The following SH3RF3 variants were observed in gnomAD, a reference collection of about 807,000 sequenced individuals.
SH3RF3 encodes the protein SH3 domain containing ring finger 3.
SH3RF3 carries 29 observed loss-of-function variants against 66.3 expected under a neutral mutation model. The ratio of observed to expected loss-of-function variants is 0.44; its 90% CI spans 0.33 to 0.60. The LOEUF (loss-of-function observed/expected upper bound fraction) is 0.60. Ranked by LOEUF, SH3RF3 falls within the 20% of genes least tolerant of loss-of-function variation. SH3RF3 has a pLI of 0.04. For missense variants in SH3RF3, 1,194 were observed against 1,190.9 expected (o/e 1.00, Z -0.04); for synonymous variants, 583 against 532.0 (o/e 1.10, Z -1.32).
At chr2:109,172,056 T>C (rs1335005618) in intron 1 of SH3RF3, among the ~76,000 whole-genome samples, 1 of 152,210 alleles carries the variant, frequency 6.6e-6, no homozygotes, top group African/African-American at 2.4e-5. Flanking sequence ...TTTGGTTGCT[T>C]GGTTTGGAGC....
At chr2:109,436,033 A>G (rs550569286) in intron 6 of SH3RF3, among the ~76,000 whole-genome samples, 2 of 152,252 alleles carry the variant, frequency 1.3e-5, no homozygotes, top group East Asian at 3.9e-4. Context: ...GGTCGTGCCC[A>G]GTGATACCAG....
In SH3RF3 at chr2:109,135,760, T is replaced by C. The variant is rs541466390; in HGVS notation, c.573+5647T>C. Among the ~76,000 whole-genome samples, 13 of 152,352 alleles carry C rather than the reference T, an allele frequency of 8.5e-5. 1 individual carries two copies. The highest frequency in any genetic ancestry group is 5.8e-4 in the East Asian group (3 of 5,188). On this transcript the variant is annotated intron_variant, in intron 1 of 9. Coordinates refer to ENST00000309415, the MANE Select transcript of SH3RF3 (RefSeq NM_001099289.3). ...TGGAAACTGGATCGTCAAGCATTAC[T>C]GGGCATCTATGCGGAGTAGTTGCTT...
intron 1 of SH3RF3, among the ~76,000 whole-genome samples, chr2:109,294,088 T>C (rs1681250925): frequency 6.6e-6 from 1 of 152,182 alleles, no homozygotes; most frequent in South Asian, 2.1e-4. Context: ...ACATGTAAGA[T>C]GGAGCTCTGT....
chr2:109,151,433 C>T (rs1279892866), intron 1 of SH3RF3, among the ~76,000 whole-genome samples: 1 of 152,136 alleles, frequency 6.6e-6, no homozygotes, highest in Non-Finnish European at 1.5e-5. Context: ...AAAGCAGCAC[C>T]ATCCAATACA....
At chr2:109,461,358 AG>A (rs1678204606) in intron 8 of SH3RF3, among the ~76,000 whole-genome samples, 2 of 152,236 alleles carry the variant, frequency 1.3e-5, no homozygotes, top group Admixed American at 1.3e-4. Context: ...AAGACAGCAG[AG>A]GCTTGCTCCA....
chr2:109,365,927 T>G (rs1412450516), intron 2 of SH3RF3, among the ~76,000 whole-genome samples: 6 of 152,354 alleles, frequency 3.9e-5, no homozygotes, highest in South Asian at 4.1e-4. Flanking sequence ...TAAAAAAATT[T>G]CAGAGTGGAA....
At chr2:109,481,078 C>T (rs1678822845) in intron 8 of SH3RF3, among the ~76,000 whole-genome samples, 1 of 152,202 alleles carries the variant, frequency 6.6e-6, no homozygotes, top group East Asian at 1.9e-4. Context: ...CATTTCTCAC[C>T]TGCTGCTGCC....
rs141940252 is a variant in SH3RF3 at position 109,249,474 on chromosome 2, T to C, written c.574-98200T>C. ...CTCTCTCTTTCTCTCTTTCTCTTTC[T>C]TTCTTTCTTTCTTTCTTTCTTTCTT... On this transcript the variant is annotated intron_variant, in intron 1 of 9. Transcript: ENST00000309415. Among the ~76,000 whole-genome samples the C allele has an allele frequency of 2.4e-3, 43 of 17,870 alleles. No individual in the cohort carries two copies. The East Asian group carries it at 0.098, about 41-fold the overall frequency. The allele number at this position is 17,870 out of a possible 152,430, so 11.7% of individuals were successfully genotyped here. A position where few individuals can be genotyped will look rare whatever the true frequency, so the allele number is the denominator to read the frequency against.
In SH3RF3 at chr2:109,261,266, A is replaced by C. The variant is rs896805556; in HGVS notation, c.574-86408A>C. On this transcript the variant is annotated intron_variant, in intron 1 of 9. Coordinates refer to ENST00000309415, the MANE Select transcript of SH3RF3 (RefSeq NM_001099289.3). ...CTCTTCCTGTCAAGCAGAACAAAGC[A>C]ATGATGTGGAGGTGATTGTCCCCTC... is the stretch of plus-strand genomic sequence containing the variant. Among the ~76,000 whole-genome samples the C allele has an allele frequency of 3.9e-5, 6 of 152,132 alleles. No homozygotes were observed. In the East Asian group the frequency reaches 1.2e-3, roughly 29 times the overall value.
chr2:109,254,955 A>G (rs911824047), intron 1 of SH3RF3, among the ~76,000 whole-genome samples: 9 of 152,172 alleles, frequency 5.9e-5, no homozygotes, highest in African/African-American at 2.2e-4. Context: ...AAGGATATTG[A>G]ACACCTATGT....
chr2:109,225,295 T>C (rs1191019943), intron 1 of SH3RF3, among the ~76,000 whole-genome samples: 1 of 152,246 alleles, frequency 6.6e-6, no homozygotes, highest in African/African-American at 2.4e-5. Context: ...TGAATAGTCC[T>C]CAAACCATTG....
At chr2:109,193,183 A>G (rs1678410497) in intron 1 of SH3RF3, among the ~76,000 whole-genome samples, 1 of 152,228 alleles carries the variant, frequency 6.6e-6, no homozygotes, top group Non-Finnish European at 1.5e-5. Context: ...GAGAACTGGA[A>G]TCAGGGCAAA....
intron 1 of SH3RF3, among the ~76,000 whole-genome samples, chr2:109,338,582 G>C (rs1355896357): frequency 1.3e-5 from 2 of 152,112 alleles, no homozygotes; most frequent in Non-Finnish European, 2.9e-5. Flanking sequence ...TTTTGAGACA[G>C]AACCTCACTC....
intron 1 of SH3RF3, among the ~76,000 whole-genome samples, chr2:109,291,212 G>C (rs1478553114): frequency 6.6e-6 from 1 of 152,008 alleles, no homozygotes; most frequent in Non-Finnish European, 1.5e-5. Context: ...ATGCTGTCAG[G>C]ATATTATGGA....
In SH3RF3 at chr2:109,501,735, CAG is replaced by C. The variant is rs1679393269; in HGVS notation, c.*69_*70del. 1.4e-6 allele frequency: 1 copy of C among 695,902 alleles called. No individual in the cohort carries two copies. The allele number at this position is 695,902 out of a possible 1,614,324, so 43.1% of individuals were successfully genotyped here. A position where few individuals can be genotyped will look rare whatever the true frequency, so the allele number is the denominator to read the frequency against. On this transcript the variant is annotated 3_prime_UTR_variant, in exon 10 of 10. Transcript: ENST00000309415. ...GCCGCCTGGGAAGCTCCACGGCACA[CAG>C]AGAGGGAGCCATGGCGCCCCAAGGG...
intron 5 of SH3RF3, among the ~76,000 whole-genome samples, chr2:109,426,745 G>A (rs1417237449): frequency 1.3e-5 from 2 of 152,248 alleles, no homozygotes; most frequent in African/African-American, 4.8e-5. Flanking sequence ...CTGTCAAACA[G>A]CATCAAATGC....
intron 1 of SH3RF3, among the ~76,000 whole-genome samples, chr2:109,320,896 G>T (rs566414898): frequency 4.6e-5 from 7 of 152,298 alleles, no homozygotes; most frequent in Admixed American, 1.3e-4. Flanking sequence ...CATCACCTGG[G>T]TTAACCTTCT....
At chr2:109,223,512 T>C (rs1192949520) in intron 1 of SH3RF3, among the ~76,000 whole-genome samples, 1 of 152,182 alleles carries the variant, frequency 6.6e-6, no homozygotes, top group Non-Finnish European at 1.5e-5. Flanking sequence ...TGGCTGGAAA[T>C]GAGCAGAATG....
intron 1 of SH3RF3, among the ~76,000 whole-genome samples, chr2:109,301,288 G>C (rs1285152497): frequency 1.3e-5 from 2 of 151,784 alleles, no homozygotes; most frequent in Non-Finnish European, 2.9e-5. Flanking sequence ...TGTGTGGTGT[G>C]TGTCTGTGTG....
Sources: gnomAD v4.1 joint callset for allele counts (sites outside exome capture counted in the v4.1 genomes callset) on GRCh38, gnomAD v4.1.1 for gene constraint, MANE v1.5 for transcripts, NCBI Gene and HGNC (gene_info 2026-07-23, HGNC 2026-07-21) for gene names.